The following PHC3 variants were observed in gnomAD, a reference collection of about 807,000 sequenced individuals.
The protein encoded by PHC3 is polyhomeotic homolog 3, also known as polyhomeotic-like protein 3.
PHC3 carries 13 observed loss-of-function variants against 107.4 expected under a neutral mutation model. The observed-to-expected ratio is 0.12, with a 90% CI of 0.08 to 0.19. The LOEUF is 0.19. PHC3 is among the 10% of genes least tolerant of loss of function. The probability of loss-of-function intolerance (pLI) is 1.00; values close to 1 mark genes in which losing one functional copy is unlikely to be tolerated. For synonymous variants in PHC3, 456 were observed against 427.4 expected (o/e 1.07, Z -0.83); for missense variants, 992 against 1,210.9 (o/e 0.82, Z 2.68).
Position 170,178,850 on chromosome 3 carries a change from T to C in PHC3, c.103A>G (p.Thr35Ala). ...ATTCGAGAGGAGGAAGTGGTGATGG[T>C]GGTGGTGGTGGTACTGCTGGTTGTT... is the stretch of plus-strand genomic sequence containing the variant. ...STTTSSTTTT[T>A]ITTSSSRMQQ... is the part of the protein sequence containing the mutation. The change falls in exon 2 of 15, where the codon ACC (threonine) becomes GCC (alanine). Residue 35 changes from threonine to alanine, a missense_variant. Thr to Ala is a moderately conservative substitution (Grantham distance 58). Around this residue, in one of 6 missense-constraint regions of PHC3, gnomAD observed 161 missense variants for 183.7 expected, o/e 0.88. Coordinates refer to ENST00000495893, the MANE Select transcript of PHC3 (RefSeq NM_024947.4). 1.9e-6 allele frequency: 3 copies of C among 1,613,852 alleles called. No individual in the cohort carries two copies. Among genetic ancestry groups the C allele is most frequent in the South Asian group, 2.2e-5 (2 of 91,080 alleles).
In PHC3 at chr3:170,145,438, C is replaced by T; in HGVS notation, c.657G>A (p.Gln219=). ...ACAAGCTCACCTGAGTAGCTGCAGA[C>T]TGACAGGAAGATGACGATGACGACG... is the stretch of plus-strand genomic sequence containing the variant. ...VVSSSSSSSC[Q]SAATQVQNLT... is the part of the protein sequence containing the mutation. The change falls in exon 6 of 15, where the codon CAG becomes CAA. Residue 219 remains glutamine, a synonymous_variant. Transcript: ENST00000495893. 2 of 1,613,298 alleles carry T rather than the reference C, an allele frequency of 1.2e-6. No homozygotes were observed. Among genetic ancestry groups the T allele is most frequent in the South Asian group, 1.1e-5 (1 of 91,032 alleles).
At chr3:170,178,334 G>A (rs929098962) in intron 2 of PHC3, among the ~76,000 whole-genome samples, 14 of 150,890 alleles carry the variant, frequency 9.3e-5, no homozygotes, top group African/African-American at 4.9e-5. Flanking sequence ...TAGTAGAGAC[G>A]GGGTTTCACC....
intron 4 of PHC3, among the ~76,000 whole-genome samples, chr3:170,151,737 CT>C (rs1243882463): frequency 6.6e-6 from 1 of 152,164 alleles, no homozygotes; most frequent in Non-Finnish European, 1.5e-5. Flanking sequence ...TGCCCTGCTC[CT>C]AGTGGAGGCA....
At position 170,122,871 on chromosome 3, in the gene PHC3, C is replaced by T. The variant is rs968825947; in HGVS notation, c.1789-127G>A. The T allele has an allele frequency of 8.3e-5, 86 of 1,042,092 alleles. No homozygotes were observed. The African/African-American group carries it at 1.3e-3, about 16-fold the overall frequency. The allele number at this position is 1,042,092 out of a possible 1,614,324, so 64.6% of individuals were successfully genotyped here. A position where few individuals can be genotyped will look rare whatever the true frequency, so the allele number is the denominator to read the frequency against. On this transcript the variant is annotated intron_variant, in intron 8 of 14. Coordinates refer to ENST00000495893, the MANE Select transcript of PHC3 (RefSeq NM_024947.4). ...AACAAGGCAAAAATGACTACTCTAA[C>T]AGACTGAAAGGAAAACTTAAAAATT... is the stretch of plus-strand genomic sequence containing the variant.
At chr3:170,130,737 C>T (rs1337539485) in intron 7 of PHC3, among the ~76,000 whole-genome samples, 1 of 152,136 alleles carries the variant, frequency 6.6e-6, no homozygotes, top group Non-Finnish European at 1.5e-5. Context: ...GTAGGGAGCC[C>T]CCCATCATGC....
At chr3:170,173,341 A>G (rs1265673527) in intron 2 of PHC3, among the ~76,000 whole-genome samples, 4 of 152,246 alleles carry the variant, frequency 2.6e-5, no homozygotes. Context: ...TCAGATGGAT[A>G]AAGATTTAAA....
chr3:170,101,992 A>AT (rs1251542188), intron 14 of PHC3, among the ~76,000 whole-genome samples: 2 of 152,142 alleles, frequency 1.3e-5, no homozygotes, highest in Admixed American at 6.5e-5. Flanking sequence ...GACTAGCTTG[A>AT]TTTTTTCAAA....
At chr3:170,159,179 G>A (rs1727423936) in intron 4 of PHC3, among the ~76,000 whole-genome samples, 1 of 150,328 alleles carries the variant, frequency 6.7e-6, no homozygotes, top group Admixed American at 6.6e-5. Flanking sequence ...GTGAACCTGG[G>A]AGGCGGAGCT....
At chr3:170,112,298 A>ACTGCAACTTCCGC (rs1717957629) in intron 11 of PHC3, among the ~76,000 whole-genome samples, 1 of 149,852 alleles carries the variant, frequency 6.7e-6, no homozygotes, top group Non-Finnish European at 1.5e-5. Context: ...GCAACTTCCG[A>ACTGCAACTTCCGC]CTCCCTGGTT....
At chr3:170,132,007 A>C (rs1722331668) in intron 7 of PHC3, among the ~76,000 whole-genome samples, 1 of 152,196 alleles carries the variant, frequency 6.6e-6, no homozygotes, top group South Asian at 2.1e-4. Flanking sequence ...CCAATTGATA[A>C]GCACATATAT....
intron 11 of PHC3, among the ~76,000 whole-genome samples, chr3:170,111,549 T>C (rs947932663): frequency 6.6e-6 from 1 of 152,116 alleles, no homozygotes; most frequent in African/African-American, 2.4e-5. Context: ...AATGTTGAAA[T>C]TGGGTGATAA....
intron 8 of PHC3, 71 bp from the exon 9 acceptor site, chr3:170,122,815 A>G (rs2108422601): frequency 1.3e-6 from 2 of 1,524,858 alleles, no homozygotes; most frequent in East Asian, 2.3e-5. Context: ...TTAATTTCAG[A>G]AAATTAAATT....
At chr3:170,130,216 A>G (rs188989522) in intron 7 of PHC3, among the ~76,000 whole-genome samples, 36 of 152,358 alleles carry the variant, frequency 2.4e-4, no homozygotes, top group Admixed American at 2.0e-4. Flanking sequence ...GAGGAGTATC[A>G]TCATAGAACA....
chr3:170,133,841 A>G (rs2108495058), intron 7 of PHC3, among the ~76,000 whole-genome samples: 1 of 152,302 alleles, frequency 6.6e-6, no homozygotes, highest in South Asian at 2.1e-4. Flanking sequence ...ATTGAGAGTT[A>G]AGGGGGACTG....
At chr3:170,150,784 A>G in intron 4 of PHC3, 1 of 367,432 alleles carries the variant, frequency 2.7e-6, no homozygotes, top group Non-Finnish European at 5.3e-6. Flanking sequence ...GATGCGTAAG[A>G]AACTGGTAAC....
At chr3:170,123,723 G>T (rs1384427670) in intron 8 of PHC3, among the ~76,000 whole-genome samples, 2 of 151,970 alleles carry the variant, frequency 1.3e-5, no homozygotes, top group Admixed American at 6.6e-5. Context: ...AACCTGGGAG[G>T]CAGAGGTTGC....
chr3:170,093,869 A>G lies in PHC3; in HGVS notation c.*3361T>C, dbSNP rs186990670. On this transcript the variant is annotated 3_prime_UTR_variant, in exon 15 of 15. Transcript: ENST00000495893. ...TTGATACACCAGGAAACAAAAATCA[A>G]CTGGGATCCCTAATGAAAGAAAATT... The G allele has an allele frequency of 3.3e-5, 5 of 152,316 alleles. No individual in the cohort carries two copies. The highest frequency in any genetic ancestry group is 3.9e-4 in the East Asian group (2 of 5,190). The allele number at this position is 152,316 out of a possible 1,614,324, so 9.4% of individuals were successfully genotyped here. A position where few individuals can be genotyped will look rare whatever the true frequency, so the allele number is the denominator to read the frequency against.
At chr3:170,134,682 C>T (rs550970503) in intron 7 of PHC3, among the ~76,000 whole-genome samples, 7 of 152,108 alleles carry the variant, frequency 4.6e-5, no homozygotes, top group Non-Finnish European at 8.8e-5. Flanking sequence ...TACGTAAGTA[C>T]GTATAAGATA....
chr3:170,116,892 C>CA (rs1719091991), intron 10 of PHC3, among the ~76,000 whole-genome samples: 1 of 142,478 alleles, frequency 7.0e-6, no homozygotes, highest in African/African-American at 2.6e-5. Context: ...GCCTGGTCAA[C>CA]AGAGCAAGAT....
Sources: allele counts gnomAD v4.1 joint callset (sites outside exome capture counted in the v4.1 genomes callset), GRCh38; gene constraint gnomAD v4.1.1; regional missense constraint gnomAD v4.1.1; transcripts MANE v1.5; gene names NCBI Gene and HGNC (gene_info 2026-07-23, HGNC 2026-07-21).